TTC4: variants seen among roughly 807,000 people sequenced by gnomAD.
TTC4 encodes hsp70/Hsp90 co-chaperone CNS1 homolog.
In TTC4, 36 loss-of-function variants were observed where a neutral mutation model predicts 51.9. The ratio of observed to expected loss-of-function variants is 0.69; its 90% CI spans 0.53 to 0.92. The LOEUF (loss-of-function observed/expected upper bound fraction) is 0.92. Ranked by LOEUF, TTC4 falls within the 40% of genes least tolerant of loss-of-function variation. The pLI is 0.00. For synonymous variants in TTC4, 144 were observed against 164.2 expected, an observed-to-expected ratio of 0.88 and a Z score of 0.94; for missense variants, 399 against 454.6, an observed-to-expected ratio of 0.88 and a Z score of 1.11.
At chr1:54,719,442 C>A (rs1467869398) in intron 3 of TTC4, among the ~76,000 whole-genome samples, 1 of 152,190 alleles carries the variant, frequency 6.6e-6, no homozygotes, top group African/African-American at 2.4e-5. Context: ...GTGTTCTTCT[C>A]ATTTTCTTTG....
At chr1:54,722,878 T>C in intron 5 of TTC4, 79 bp downstream of exon 5, 1 of 1,558,402 alleles carries the variant, frequency 6.4e-7, no homozygotes, top group Non-Finnish European at 8.6e-7. Context: ...TCTCAAGTCA[T>C]TGTAAACTTT....
intron 9 of TTC4, among the ~76,000 whole-genome samples, chr1:54,739,370 T>A (rs1002768200): frequency 6.6e-6 from 1 of 152,216 alleles, no homozygotes; most frequent in Non-Finnish European, 1.5e-5. Flanking sequence ...CATCATTTAC[T>A]GGCTGTGTGA....
At chr1:54,724,321 A>G (rs753993759) in intron 5 of TTC4, among the ~76,000 whole-genome samples, 10 of 151,130 alleles carry the variant, frequency 6.6e-5, no homozygotes, top group Non-Finnish European at 1.5e-4. Flanking sequence ...GCTGGAGTGC[A>G]GTGGCATGAT....
intron 6 of TTC4, among the ~76,000 whole-genome samples, chr1:54,730,969 C>T (rs375512167): frequency 1.3e-5 from 2 of 152,142 alleles, no homozygotes; most frequent in South Asian, 2.1e-4. Context: ...ATTATTCCAT[C>T]GTCTATGGTA....
chr1:54,731,265 A>C (rs112247576), intron 6 of TTC4, among the ~76,000 whole-genome samples: 6 of 152,092 alleles, frequency 3.9e-5, no homozygotes, highest in Non-Finnish European at 8.8e-5. Context: ...TTAGTTGTCC[A>C]TGTTCATTCA....
At chr1:54,731,389 C>A in intron 6 of TTC4, 97 bp from the exon 7 acceptor site, 2 of 1,093,566 alleles carry the variant, frequency 1.8e-6, no homozygotes, top group South Asian at 1.9e-5. Context: ...AAAAAATTAG[C>A]CAGGCATTAT....
At chr1:54,729,921 A>G (rs567359991) in intron 6 of TTC4, among the ~76,000 whole-genome samples, 2 of 152,242 alleles carry the variant, frequency 1.3e-5, no homozygotes, top group South Asian at 4.2e-4. Context: ...GGGTTTCACC[A>G]TATTGGTCAG....
At chr1:54,721,378 G>T in intron 4 of TTC4, 138 bp downstream of exon 4, 2 of 651,030 alleles carry the variant, frequency 3.1e-6, no homozygotes, top group Non-Finnish European at 5.0e-6. Flanking sequence ...ACTTTTAAAA[G>T]AATTCCTCAG....
At chr1:54,730,367 G>A (rs891824448) in intron 6 of TTC4, among the ~76,000 whole-genome samples, 2 of 147,182 alleles carry the variant, frequency 1.4e-5, no homozygotes, top group Non-Finnish European at 3.0e-5. Flanking sequence ...AACAGTACAC[G>A]AAGCCATGCA....
intron 9 of TTC4, among the ~76,000 whole-genome samples, chr1:54,738,872 A>G (rs937120146): frequency 1.3e-5 from 2 of 151,942 alleles, no homozygotes; most frequent in Non-Finnish European, 2.9e-5. Flanking sequence ...CATGTTGTCC[A>G]GGCTGGTCTC....
At position 54,716,270 on chromosome 1, in the gene TTC4, A is replaced by G. The variant is rs969423356; in HGVS notation, c.111+251A>G. ...ATATGAGTCAGTTACTTAACTTCTC[A>G]GAGTCCGTTTCCTCATCTGTAAAAC... is the stretch of plus-strand genomic sequence containing the variant. On this transcript the variant is annotated intron_variant, in intron 1 of 9. Coordinates refer to ENST00000371281, the MANE Select transcript of TTC4 (RefSeq NM_004623.5). 5.5e-6 allele frequency: 3 copies of G among 542,480 alleles called. No individual in the cohort carries two copies. In the African/African-American group the frequency reaches 5.8e-5, roughly 10 times the overall value. 33.6% of individuals were successfully genotyped at this position (542,480 alleles called of 1,614,324 possible).
rs1646012388 is a variant in TTC4 at position 54,741,592 on chromosome 1, G to A, written c.*79G>A. On this transcript the variant is annotated 3_prime_UTR_variant, in exon 10 of 10. Coordinates refer to ENST00000371281, the MANE Select transcript of TTC4 (RefSeq NM_004623.5). ...CACACCTGAATCAGCTGGACATACTGCTGGAGTCCAGTGCTTTCTTTCCGT... is the reference window on the plus strand; with the variant it reads ...CACACCTGAATCAGCTGGACATACTACTGGAGTCCAGTGCTTTCTTTCCGT... The A allele has an allele frequency of 2.5e-6, 3 of 1,191,622 alleles. No homozygotes were observed. Among genetic ancestry groups the A allele is most frequent in the Non-Finnish European group, 3.7e-6 (3 of 801,766 alleles). 73.8% of individuals were successfully genotyped at this position (1,191,622 alleles called of 1,614,324 possible).
intron 8 of TTC4, among the ~76,000 whole-genome samples, chr1:54,734,590 A>G (rs1645912479): frequency 1.3e-5 from 2 of 151,966 alleles, no homozygotes; most frequent in South Asian, 4.2e-4. Context: ...GGGTTTTGCT[A>G]TGTTGGCCAG....
intron 9 of TTC4, among the ~76,000 whole-genome samples, chr1:54,737,871 G>A (rs11206424): frequency 0.067 from 10,180 of 152,178 alleles, 446 homozygotes; most frequent in African/African-American, 0.12. Context: ...CGTGGATGGC[G>A]GAAGGCAAAA....
intron 8 of TTC4, 58 bp downstream of exon 8, chr1:54,733,768 T>G: frequency 1.4e-6 from 1 of 706,344 alleles, no homozygotes; most frequent in South Asian, 2.2e-5. Flanking sequence ...TTTTTTTTTT[T>G]TTTTTGCGGC....
chr1:54,724,411 G>A lies in TTC4; in HGVS notation c.594+1612G>A, dbSNP rs187951121. ...CTCCTGAGTAGCTGGAACTACAGGC[G>A]TGCACCACCATGCCAGGCTAATTTT... On this transcript the variant is annotated intron_variant, in intron 5 of 9. Transcript: ENST00000371281. Among the ~76,000 whole-genome samples, 268 of 151,796 alleles carry A rather than the reference G, an allele frequency of 1.8e-3. 1 individual carries two copies. The highest frequency in any genetic ancestry group is 3.3e-3 in the African/African-American group (136 of 41,354).
chr1:54,718,629 G>T (rs1353769651), intron 3 of TTC4, among the ~76,000 whole-genome samples: 1 of 152,148 alleles, frequency 6.6e-6, no homozygotes, highest in African/African-American at 2.4e-5. Flanking sequence ...TAGCCTGCAA[G>T]AAAATAAATT....
Position 54,742,281 on chromosome 1 carries a change from A to T in TTC4, c.*768A>T, listed in dbSNP as rs138614051. 1 of 152,252 alleles carries T rather than the reference A, an allele frequency of 6.6e-6. No individual in the cohort carries two copies. The highest frequency in any genetic ancestry group is 2.4e-5 in the African/African-American group (1 of 41,434). The allele number at this position is 152,252 out of a possible 1,614,324, so 9.4% of individuals were successfully genotyped here. On this transcript the variant is annotated 3_prime_UTR_variant, in exon 10 of 10. Coordinates refer to ENST00000371281, the MANE Select transcript of TTC4 (RefSeq NM_004623.5). The stretch of plus-strand genomic sequence containing the variant: ...TTTGTCTGCAGCTGTTTGTTGCCCC[A>T]TTCCTAAGAGGAGTTTATCCATCCT...
intron 3 of TTC4, among the ~76,000 whole-genome samples, chr1:54,719,739 T>G (rs1242001308): frequency 2.6e-5 from 4 of 152,210 alleles, no homozygotes; most frequent in Non-Finnish European, 5.9e-5. Context: ...GTATATAGAC[T>G]GTTTTTTGGT....
Sources: gnomAD v4.1 joint callset for allele counts (sites outside exome capture counted in the v4.1 genomes callset) on GRCh38, gnomAD v4.1.1 for gene constraint, MANE v1.5 for transcripts, NCBI Gene and HGNC (gene_info 2026-07-23, HGNC 2026-07-21) for gene names.